Variants in CTNND2 observed in about 807,000 individuals in gnomAD.
CTNND2 encodes catenin delta-2.
CTNND2 carries 22 observed loss-of-function variants against 144.4 expected under a neutral mutation model. The observed-to-expected ratio is 0.15, with a 90% CI of 0.11 to 0.22. The LOEUF (loss-of-function observed/expected upper bound fraction) is 0.22. CTNND2 is among the 10% of genes least tolerant of loss of function. The pLI, the probability that CTNND2 is intolerant of heterozygous loss-of-function variation, is 1.00. For missense variants in CTNND2, 1,353 were observed against 1,618.8 expected (o/e 0.84, Z 2.82); for synonymous variants, 751 against 695.6 (o/e 1.08, Z -1.25).
chr5:11,210,544 C>A (rs1254014218), intron 10 of CTNND2, among the ~76,000 whole-genome samples: 2 of 152,186 alleles, frequency 1.3e-5, no homozygotes, highest in Non-Finnish European at 2.9e-5. Flanking sequence ...TGAATGGTTA[C>A]TAATCTAATT....
At chr5:11,073,558 A>G (rs1748580662) in intron 16 of CTNND2, among the ~76,000 whole-genome samples, 1 of 152,254 alleles carries the variant, frequency 6.6e-6, no homozygotes, top group Non-Finnish European at 1.5e-5. Context: ...ATTTAATAGA[A>G]TAATGATTGG....
chr5:11,556,635 T>C (rs1776258417), intron 3 of CTNND2, among the ~76,000 whole-genome samples: 1 of 152,190 alleles, frequency 6.6e-6, no homozygotes. Flanking sequence ...TATAGAACTG[T>C]TGGCATTTGG....
chr5:11,655,691 G>C (rs1383859438), intron 2 of CTNND2, among the ~76,000 whole-genome samples: 1 of 114,614 alleles, frequency 8.7e-6, no homozygotes, highest in Admixed American at 8.5e-5. Context: ...TGCTTATATT[G>C]ATTGATTATT....
At chr5:11,847,554 G>T (rs890851179) in intron 1 of CTNND2, among the ~76,000 whole-genome samples, 2 of 151,970 alleles carry the variant, frequency 1.3e-5, no homozygotes, top group African/African-American at 4.8e-5. Flanking sequence ...AATAAGTGTT[G>T]TGTTCTGTTG....
chr5:11,287,361 T>C (rs1379311619), intron 9 of CTNND2, among the ~76,000 whole-genome samples: 1 of 152,220 alleles, frequency 6.6e-6, no homozygotes, highest in Non-Finnish European at 1.5e-5. Flanking sequence ...AACTCTCCCT[T>C]GAGTCTCCAG....
chr5:11,060,897 T>C (rs1746890352), intron 16 of CTNND2, among the ~76,000 whole-genome samples: 1 of 152,248 alleles, frequency 6.6e-6, no homozygotes, highest in Admixed American at 6.5e-5. Flanking sequence ...TATTTTAAGA[T>C]GAGACTTCCT....
chr5:11,411,327 C>T (rs566848761), intron 5 of CTNND2, among the ~76,000 whole-genome samples: 1 of 152,168 alleles, frequency 6.6e-6, no homozygotes, highest in South Asian at 2.1e-4. Flanking sequence ...ATGCCAACTA[C>T]TGACTTAAAA....
At chr5:11,294,350 A>G (rs1450806899) in intron 9 of CTNND2, among the ~76,000 whole-genome samples, 1 of 152,156 alleles carries the variant, frequency 6.6e-6, no homozygotes, top group Non-Finnish European at 1.5e-5. Context: ...TCCCAGAAAA[A>G]CACTAATGTG....
At chr5:11,262,778 A>G (rs936585913) in intron 9 of CTNND2, among the ~76,000 whole-genome samples, 4 of 148,586 alleles carry the variant, frequency 2.7e-5, no homozygotes, top group African/African-American at 9.8e-5. Flanking sequence ...AAAAAAAAAA[A>G]AAAAAAAAAA....
chr5:11,239,757 T>C (rs1302955919), intron 9 of CTNND2, among the ~76,000 whole-genome samples: 16 of 152,182 alleles, frequency 1.1e-4, no homozygotes, highest in Admixed American at 1.0e-3. Flanking sequence ...CCCAGTGGCC[T>C]CCCACTCAAA....
At chr5:11,212,508 C>A (rs1247016361) in intron 10 of CTNND2, among the ~76,000 whole-genome samples, 2 of 152,184 alleles carry the variant, frequency 1.3e-5, no homozygotes, top group Non-Finnish European at 2.9e-5. Flanking sequence ...CATCAGTATG[C>A]CAGACAATGG....
intron 7 of CTNND2, among the ~76,000 whole-genome samples, chr5:11,380,037 T>C (rs1164767645): frequency 6.6e-6 from 1 of 152,188 alleles, no homozygotes; most frequent in Admixed American, 6.5e-5. Context: ...TAGTTGCTCC[T>C]TTATAGCTTT....
chr5:11,240,127 C>T (rs562892623), intron 9 of CTNND2, among the ~76,000 whole-genome samples: 1 of 148,710 alleles, frequency 6.7e-6, no homozygotes, highest in East Asian at 2.0e-4. Context: ...CACACACCCC[C>T]AACACACACA....
intron 7 of CTNND2, among the ~76,000 whole-genome samples, chr5:11,377,111 C>A (rs1489207430): frequency 6.6e-6 from 1 of 151,142 alleles, no homozygotes; most frequent in Non-Finnish European, 1.5e-5. Context: ...AGTGCAATGG[C>A]ACGATCTTGG....
intron 2 of CTNND2, among the ~76,000 whole-genome samples, chr5:11,630,361 A>G (rs1361814719): frequency 6.6e-6 from 1 of 152,198 alleles, no homozygotes; most frequent in Non-Finnish European, 1.5e-5. Context: ...AATCTCATCA[A>G]TTCAGTCCAC....
chr5:11,591,083 A>T (rs536354921), intron 2 of CTNND2, among the ~76,000 whole-genome samples: 4 of 152,264 alleles, frequency 2.6e-5, no homozygotes, highest in African/African-American at 7.2e-5. Flanking sequence ...GTTTAAGAGG[A>T]TTTTCCATTA....
intron 8 of CTNND2, among the ~76,000 whole-genome samples, chr5:11,353,580 G>A (rs755519014): frequency 2.6e-5 from 4 of 152,238 alleles, no homozygotes; most frequent in South Asian, 2.1e-4. Context: ...CAAGGTGGGC[G>A]GATCACGAGG....
At chr5:11,551,657 G>A (rs1775778226) in intron 3 of CTNND2, among the ~76,000 whole-genome samples, 1 of 151,956 alleles carries the variant, frequency 6.6e-6, no homozygotes, top group Admixed American at 6.6e-5. Flanking sequence ...GGAGTGCAAT[G>A]GTGCGATCTT....
intron 12 of CTNND2, among the ~76,000 whole-genome samples, chr5:11,131,697 G>A (rs900234251): frequency 2.6e-5 from 4 of 152,096 alleles, no homozygotes; most frequent in Non-Finnish European, 5.9e-5. Context: ...GCTGAGGCAG[G>A]AGAATGGCAT....
Sources: allele counts gnomAD v4.1 joint callset (sites outside exome capture counted in the v4.1 genomes callset), GRCh38; gene constraint gnomAD v4.1.1; transcripts MANE v1.5; gene names NCBI Gene and HGNC (gene_info 2026-07-23, HGNC 2026-07-21).